The following COMMD4 variants were observed in gnomAD, a reference collection of about 807,000 sequenced individuals.
The protein encoded by COMMD4 is COMM domain-containing protein 4.
In COMMD4, 18 loss-of-function variants were observed where a neutral mutation model predicts 27.5. The observed-to-expected ratio is 0.65, with a 90% confidence interval of 0.45 to 0.97. The LOEUF (loss-of-function observed/expected upper bound fraction) is 0.97, where lower values mean the gene tolerates loss of function less well. Ranked by LOEUF, COMMD4 falls within the 50% of genes least tolerant of loss-of-function variation. The pLI is 0.00. For missense variants in COMMD4, 243 were observed against 250.0 expected (o/e 0.97, Z 0.19); for synonymous variants, 108 against 108.4 (o/e 1.00, Z 0.02).
Position 75,340,157 on chromosome 15 carries a change from C to G in COMMD4, c.*152C>G. ...AGATCCCCAGCTGCCTCACTTCTCTCTTGAGAACTTGGCTCAGGGCTCCTG... is the reference window on the plus strand; with the variant it reads ...AGATCCCCAGCTGCCTCACTTCTCTGTTGAGAACTTGGCTCAGGGCTCCTG... On this transcript the variant is annotated 3_prime_UTR_variant, in exon 8 of 8. Transcript: ENST00000267935. The G allele has an allele frequency of 3.6e-6, 3 of 842,100 alleles. No individual in the cohort carries two copies. The highest frequency in any genetic ancestry group is 3.5e-5 in the South Asian group (2 of 57,212). 52.2% of individuals were successfully genotyped at this position (842,100 alleles called of 1,614,324 possible). A position where few individuals can be genotyped will look rare whatever the true frequency, so the allele number is the denominator to read the frequency against.
intron 3 of COMMD4, 107 bp from the exon 4 acceptor site, chr15:75,338,539 C>T: frequency 6.4e-7 from 1 of 1,571,278 alleles, no homozygotes; most frequent in South Asian, 1.1e-5. Context: ...TGGGCACCTC[C>T]CTTCCTTCTT....
rs1298140911 is a variant in COMMD4 at position 75,339,295 on chromosome 15, G to C, written c.333G>C (p.Glu111Asp). 3 of 1,612,166 alleles carry C rather than the reference G, an allele frequency of 1.9e-6. No individual in the cohort carries two copies. The South Asian group carries it at 3.3e-5, about 18-fold the overall frequency. ...EHAASLCRCY[E>D]EKQSPLQKHL... The stretch of plus-strand genomic sequence containing the variant: ...CGGCCAGCCTGTGCCGCTGTTATGA[G>C]GAGAAGCAAAGCCCCTTGCAGAAGC... The change falls in exon 6 of 8, where the codon GAG (glutamate) becomes GAC (aspartate). Residue 111 changes from glutamate (E) to aspartate (D), a missense_variant. Glu to Asp is a conservative substitution (Grantham distance 45). Transcript: ENST00000267935.
downstream of COMMD4, chr15:75,342,818 T>C (rs1049053031): frequency 6.6e-6 from 1 of 152,198 alleles, no homozygotes; most frequent in African/African-American, 2.4e-5. Flanking sequence ...TGATCTTTTT[T>C]TGTGTTTTTT....
chr15:75,336,249 C>T (rs551998015), intron 1 of COMMD4, 157 bp downstream of exon 1: 6 of 1,519,724 alleles, frequency 3.9e-6, no homozygotes, highest in East Asian at 2.5e-5. Flanking sequence ...AAGTCCACCA[C>T]TCTCCCGCTC....
At chr15:75,339,463 G>T in intron 6 of COMMD4, 119 bp downstream of exon 6, 1 of 1,471,586 alleles carries the variant, frequency 6.8e-7, no homozygotes, top group South Asian at 1.2e-5. Context: ...AGCAGCCGTA[G>T]AGCTGGGACC....
Position 75,339,987 on chromosome 15 carries a change from G to T in COMMD4, c.582G>T (p.Leu194=). 1 of 1,614,120 alleles carries T rather than the reference G, an allele frequency of 6.2e-7. No individual in the cohort carries two copies. Among genetic ancestry groups the T allele is most frequent in the Non-Finnish European group, 8.5e-7 (1 of 1,179,984 alleles). The change falls in exon 8 of 8, where the codon CTG becomes CTT. Residue 194 remains leucine, a synonymous_variant. Transcript: ENST00000267935. ...LLAELKQAQT[L]MSSLG ...CAGAACTGAAGCAGGCCCAGACCCT[G>T]ATGAGCTCCCTGGGCTGAGGAGAAG...
intron 3 of COMMD4, 25 bp from the exon 4 acceptor site, chr15:75,338,621 C>G (rs1311118850): frequency 2.5e-6 from 4 of 1,613,430 alleles, no homozygotes; most frequent in East Asian, 2.2e-5. Context: ...GCCTGGCACC[C>G]CCTGAAGGTC....
intron 1 of COMMD4, chr15:75,336,431 A>G: frequency 1.6e-6 from 1 of 637,750 alleles, no homozygotes; most frequent in Admixed American, 3.4e-5. Context: ...GGACCTCCCA[A>G]GGATACCCCC....
downstream of COMMD4, chr15:75,343,035 G>C (rs2071440009): frequency 6.6e-6 from 1 of 152,140 alleles, no homozygotes; most frequent in South Asian, 2.1e-4. Context: ...GGCCAGGCTG[G>C]TTTTAAACTT....
At chr15:75,336,480 T>TC (rs1355453911) in intron 1 of COMMD4, 1 of 507,000 alleles carries the variant, frequency 2.0e-6, no homozygotes, top group Non-Finnish European at 3.4e-6. Context: ...AAGAAGGTGC[T>TC]TAGAATCAGG....
rs753848560 is a variant in COMMD4 at position 75,338,993 on chromosome 15, G to A, written c.190G>A (p.Asp64Asn). ...LTADAKFESGDVKATVAVLSF... is the reference protein window; with the variant it reads ...LTADAKFESGNVKATVAVLSF... Reference sequence around the variant, plus strand: ...ACCCACGGGTCCCTCAGAGTCAGGCGATGTGAAGGCCACAGTGGCAGTGCT... The same window carrying A: ...ACCCACGGGTCCCTCAGAGTCAGGCAATGTGAAGGCCACAGTGGCAGTGCT... The change falls in exon 5 of 8, where the codon GAT (aspartate) becomes AAT (asparagine). Residue 64 changes from aspartate to asparagine, a missense_variant. Asp to Asn is a conservative substitution (Grantham distance 23, BLOSUM62 1). Transcript: ENST00000267935. 1.6e-5 allele frequency: 26 copies of A among 1,613,852 alleles called. No homozygotes were observed. The highest frequency in any genetic ancestry group is 3.3e-5 in the South Asian group (3 of 91,084).
chr15:75,337,925 GA>G, intron 1 of COMMD4, 136 bp from the exon 2 acceptor site: 2 of 832,828 alleles, frequency 2.4e-6, no homozygotes, highest in Non-Finnish European at 3.8e-6. Context: ...GGTGATAGGG[GA>G]GAACAAGAGG....
At chr15:75,338,837 C>A (rs1187557065) in intron 4 of COMMD4, 148 bp from the exon 5 acceptor site, 9 of 1,434,078 alleles carry the variant, frequency 6.3e-6, no homozygotes. Flanking sequence ...GACAGTCCCA[C>A]CTTCCTGTCC....
intron 1 of COMMD4, 52 bp downstream of exon 1, chr15:75,336,144 G>A (rs1595832221): frequency 1.3e-6 from 2 of 1,549,752 alleles, no homozygotes; most frequent in Non-Finnish European, 1.7e-6. Context: ...GGGAATGAGG[G>A]GGCGCCAAGT....
rs1476033893 is a variant in COMMD4, at chr15:75,339,987, G to C, written c.582G>C (p.Leu194=). 16 of 1,614,120 alleles carry C rather than the reference G, an allele frequency of 9.9e-6. No homozygotes were observed. The South Asian group carries it at 1.8e-4, about 18-fold the overall frequency. The change falls in exon 8 of 8, where the codon CTG becomes CTC. Residue 194 remains leucine (L), a synonymous_variant. Transcript: ENST00000267935. ...CAGAACTGAAGCAGGCCCAGACCCT[G>C]ATGAGCTCCCTGGGCTGAGGAGAAG... ...LLAELKQAQT[L]MSSLG is the part of the protein sequence containing the mutation.
At chr15:75,336,416 C>T in intron 1 of COMMD4, 3 of 705,986 alleles carry the variant, frequency 4.2e-6, no homozygotes, top group South Asian at 4.4e-5. Context: ...TCCCCATCCC[C>T]AAGAGGACCT....
At chr15:75,337,737 G>A (rs995103517) in intron 1 of COMMD4, 26 of 342,206 alleles carry the variant, frequency 7.6e-5, no homozygotes, top group East Asian at 2.8e-4. Context: ...GAGTTCACTC[G>A]TCTCTGTGAG....
At position 75,338,951 on chromosome 15, in the gene COMMD4, G is replaced by A. The variant is rs181538606; in HGVS notation, c.182-34G>A. On this transcript the variant is annotated intron_variant, in intron 4 of 7. Transcript: ENST00000267935. ...CAACAGGGAGGTGGCTGGACCCACA[G>A]TGACACCCCCTGCCCCACCCACGGG... 5.6e-6 allele frequency: 9 copies of A among 1,613,810 alleles called. No homozygotes were observed. The Admixed American group carries it at 1.3e-4, about 24-fold the overall frequency.
rs777048045 is a variant in COMMD4 at position 75,339,858 on chromosome 15, A to G, written c.539A>G (p.Lys180Arg). 1.2e-6 allele frequency: 2 copies of G among 1,613,362 alleles called. No homozygotes were observed. The change falls in exon 7 of 8, where the codon AAG becomes AGG. Residue 180 changes from lysine (K) to arginine (R), a missense_variant. Coordinates refer to ENST00000267935, the MANE Select transcript of COMMD4 (RefSeq NM_017828.5). Reference protein sequence around the residue: ...QPVAMSLSADKFQVLLAELKQ... With the variant: ...QPVAMSLSADRFQVLLAELKQ... ...GTTGCCATGTCCCTCTCAGCAGACA[A>G]GTTCCAGGTCCTCCTGGCAGGTGAG...
Sources: gnomAD v4.1 joint callset for allele counts on GRCh38, gnomAD v4.1.1 for gene constraint, MANE v1.5 for transcripts, NCBI Gene and HGNC (gene_info 2026-07-23, HGNC 2026-07-21) for gene names.